The following KIF26B variants were observed in gnomAD, a reference collection of about 807,000 sequenced individuals.
The protein encoded by KIF26B is kinesin family member 26B.
Under a neutral mutation model 151.2 loss-of-function variants are expected in KIF26B, and 63 were observed. The ratio of observed to expected loss-of-function variants is 0.42; its 90% confidence interval spans 0.34 to 0.51. The LOEUF is 0.51. Among genes scored for constraint, KIF26B ranks in the 20% least tolerant of loss-of-function variants. KIF26B has a pLI of 0.07. For synonymous variants in KIF26B, 1,357 were observed against 1,262.1 expected, an observed-to-expected ratio of 1.08 and a Z score of -1.59; for missense variants, 2,813 against 2,913.6, an observed-to-expected ratio of 0.97 and a Z score of 0.79.
intron 2 of KIF26B, among the ~76,000 whole-genome samples, chr1:245,180,081 A>G (rs1271323122): frequency 6.6e-6 from 1 of 152,248 alleles, no homozygotes; most frequent in African/African-American, 2.4e-5. Flanking sequence ...TTTCGAAGCA[A>G]GATCTCAGCT....
chr1:245,696,638 GA>G (rs1308792733), intron 12 of KIF26B, among the ~76,000 whole-genome samples: 2 of 152,260 alleles, frequency 1.3e-5, no homozygotes, highest in East Asian at 1.9e-4. Flanking sequence ...TGATTTAAAA[GA>G]AAAAAACCCC....
Position 245,540,714 on chromosome 1 carries a change from G to T in KIF26B, c.1167-53G>T. 6.7e-7 allele frequency: 1 copy of T among 1,495,250 alleles called. No individual in the cohort carries two copies. 92.6% of individuals were successfully genotyped at this position (1,495,250 alleles called of 1,614,324 possible). A position where few individuals can be genotyped will look rare whatever the true frequency, so the allele number is the denominator to read the frequency against. ...TTTAAGAGAAAACGAAGTAAGCCTA[G>T]CAGATCTGATCGTACAATCATTTTC... On this transcript the variant is annotated intron_variant, in intron 4 of 14. Coordinates refer to ENST00000407071, the MANE Select transcript of KIF26B (RefSeq NM_018012.4). The surrounding 1 kb of genome is among the most constrained non-coding windows in gnomAD (Gnocchi z 4.6).
At chr1:245,404,205 A>G (rs975977816) in intron 3 of KIF26B, among the ~76,000 whole-genome samples, 1 of 115,780 alleles carries the variant, frequency 8.6e-6, no homozygotes, top group African/African-American at 3.9e-5. Flanking sequence ...TTGCAACAAG[A>G]CTGATTTTTT....
chr1:245,176,539 G>C (rs1051601096), intron 2 of KIF26B, among the ~76,000 whole-genome samples: 1 of 152,204 alleles, frequency 6.6e-6, no homozygotes, highest in African/African-American at 2.4e-5. Context: ...AGGGATGAAA[G>C]CTACCAAAGG....
chr1:245,221,670 G>T (rs571388344), intron 2 of KIF26B, among the ~76,000 whole-genome samples: 1 of 152,188 alleles, frequency 6.6e-6, no homozygotes, highest in African/African-American at 2.4e-5. Context: ...GCCTCCCAAA[G>T]TGCTGGGATT....
At chr1:245,598,304 A>T (rs1302120192) in intron 5 of KIF26B, among the ~76,000 whole-genome samples, 1 of 152,144 alleles carries the variant, frequency 6.6e-6, no homozygotes, top group Non-Finnish European at 1.5e-5. Flanking sequence ...AGAAGCGCTG[A>T]TGGAGTTCTC....
At chr1:245,207,336 T>C (rs1669427000) in intron 2 of KIF26B, among the ~76,000 whole-genome samples, 1 of 152,166 alleles carries the variant, frequency 6.6e-6, no homozygotes, top group African/African-American at 2.4e-5. Context: ...TAACGCAGCT[T>C]GTCCTTACTG....
intron 4 of KIF26B, among the ~76,000 whole-genome samples, chr1:245,506,630 C>T (rs1360801643): frequency 6.6e-6 from 1 of 152,108 alleles, no homozygotes; most frequent in Non-Finnish European, 1.5e-5. Context: ...ATCATCAGAA[C>T]CAGTGCTTTT....
Position 245,517,116 on chromosome 1 carries a change from A to G in KIF26B, c.1167-23651A>G, listed in dbSNP as rs371607927. Among the ~76,000 whole-genome samples, 7 of 152,352 alleles carry G rather than the reference A, an allele frequency of 4.6e-5. No homozygotes were observed. The South Asian group carries it at 1.5e-3, about 32-fold the overall frequency. On this transcript the variant is annotated intron_variant, in intron 4 of 14. Coordinates refer to ENST00000407071, the MANE Select transcript of KIF26B (RefSeq NM_018012.4). ...TGTGGTGGCTCACACCTTTAATCCC[A>G]GCCGCCAAGGCGGGCAGATCACTTG... is the stretch of plus-strand genomic sequence containing the variant.
chr1:245,296,060 T>G (rs1457182984), intron 2 of KIF26B, among the ~76,000 whole-genome samples: 1 of 152,184 alleles, frequency 6.6e-6, no homozygotes, highest in Non-Finnish European at 1.5e-5. Context: ...GTTCAGAGTC[T>G]GGTTGTTTGC....
At chr1:245,325,046 G>T (rs1434367350) in intron 2 of KIF26B, among the ~76,000 whole-genome samples, 1 of 141,834 alleles carries the variant, frequency 7.1e-6, no homozygotes, top group Non-Finnish European at 1.5e-5. Flanking sequence ...AGTGAGTCAA[G>T]ATCACGCCAC....
chr1:245,316,843 T>A (rs35578637), intron 2 of KIF26B, among the ~76,000 whole-genome samples: 7 of 139,380 alleles, frequency 5.0e-5, no homozygotes, highest in Non-Finnish European at 7.9e-5. Context: ...TCAAGGACCC[T>A]CACAATCACC....
Position 245,688,203 on chromosome 1 carries a change from G to T in KIF26B, c.5220G>T (p.Leu1740=). 6.3e-7 allele frequency: 1 copy of T among 1,594,558 alleles called. No homozygotes were observed. The highest frequency in any genetic ancestry group is 8.5e-7 in the Non-Finnish European group (1 of 1,176,338). ...SKISAVSRLL[L]ASPRARGPSA... is the part of the protein sequence containing the mutation. ...TCTCCGCCGTGAGCAGACTCCTCCTGGCCAGCCCCAGAGCGCGCGGCCCGT... is the reference window on the plus strand; with the variant it reads ...TCTCCGCCGTGAGCAGACTCCTCCTTGCCAGCCCCAGAGCGCGCGGCCCGT... The change falls in exon 12 of 15, where the codon CTG becomes CTT. Residue 1740 remains leucine (L), a synonymous_variant. Transcript: ENST00000407071.
chr1:245,416,905 G>A (rs1674433486), intron 3 of KIF26B, among the ~76,000 whole-genome samples: 1 of 152,182 alleles, frequency 6.6e-6, no homozygotes, highest in South Asian at 2.1e-4. Flanking sequence ...CTTTTAGGTG[G>A]TGAGAGTCTA....
In KIF26B at chr1:245,702,816, G is replaced by A. The variant is rs1184667214; in HGVS notation, c.*210G>A. The A allele has an allele frequency of 1.9e-6, 1 of 519,720 alleles. No homozygotes were observed. Among genetic ancestry groups the A allele is most frequent in the Non-Finnish European group, 3.3e-6 (1 of 305,938 alleles). 32.2% of individuals were successfully genotyped at this position (519,720 alleles called of 1,614,324 possible). On this transcript the variant is annotated 3_prime_UTR_variant, in exon 15 of 15. Coordinates refer to ENST00000407071, the MANE Select transcript of KIF26B (RefSeq NM_018012.4). The surrounding 1 kb of genome is among the most constrained non-coding windows in gnomAD (Gnocchi z 4.1). ...GTCAAACACCGTGGAAGGAGAAAAG[G>A]ATGGGAAGCCCGAGGGGTGTCCAAG...
intron 2 of KIF26B, among the ~76,000 whole-genome samples, chr1:245,169,362 T>TGTGTGTGTGTGTGTGCGC (rs879260509): frequency 2.6e-4 from 40 of 151,086 alleles, no homozygotes; most frequent in Middle Eastern, 3.4e-3. Context: ...TGTGTGTGTG[T>TGTGTGTGTGTGTGTGCGC]GCGCGCAAGC....
At chr1:245,351,915 A>C (rs1672576632) in intron 2 of KIF26B, among the ~76,000 whole-genome samples, 1 of 152,240 alleles carries the variant, frequency 6.6e-6, no homozygotes, top group Admixed American at 6.5e-5. Flanking sequence ...GTGTTTTATA[A>C]ATGAATGAAA....
chr1:245,430,048 G>A (rs535621281), intron 4 of KIF26B, among the ~76,000 whole-genome samples: 1 of 152,344 alleles, frequency 6.6e-6, no homozygotes, highest in Admixed American at 6.5e-5. Flanking sequence ...AGGCCAGCAA[G>A]CTGGAATTGT....
intron 4 of KIF26B, among the ~76,000 whole-genome samples, chr1:245,535,061 G>C (rs1265293716): frequency 1.3e-5 from 2 of 152,104 alleles, no homozygotes; most frequent in African/African-American, 4.8e-5. Flanking sequence ...GGGATTACAG[G>C]CGTGAGCCAC....
Sources: allele counts gnomAD v4.1 joint callset (sites outside exome capture counted in the v4.1 genomes callset), GRCh38; gene constraint gnomAD v4.1.1; non-coding constraint Gnocchi (gnomAD v3.1); transcripts MANE v1.5; gene names NCBI Gene and HGNC (gene_info 2026-07-23, HGNC 2026-07-21).